Variants in HDX observed in about 807,000 individuals in gnomAD.
HDX encodes the protein chromosome X open reading frame 43.
A neutral mutation model predicts 45.2 loss-of-function variants in HDX; 19 were observed. The observed-to-expected ratio is 0.42, with a 90% confidence interval of 0.29 to 0.62. The LOEUF is 0.62. Among genes scored for constraint, HDX ranks in the 20% least tolerant of loss-of-function variants. HDX has a pLI of 0.20. For missense variants in HDX, 532 were observed against 493.9 expected, an observed-to-expected ratio of 1.08 and a Z score of -0.73; for synonymous variants, 188 against 172.8, an observed-to-expected ratio of 1.09 and a Z score of -0.69.
chrX:84,389,496 C>A (rs1352867135), intron 5 of HDX, among the ~76,000 whole-genome samples: 1 of 111,297 alleles, frequency 9.0e-6, no homozygotes, highest in Non-Finnish European at 1.9e-5. Flanking sequence ...TCCAGAGCTG[C>A]ATGCCACAGC....
chrX:84,393,039 A>G (rs11798261), intron 5 of HDX, among the ~76,000 whole-genome samples: 28,225 of 110,161 alleles, frequency 0.26, 2,711 homozygotes, highest in Non-Finnish European at 0.3. Flanking sequence ...TTGAATTACA[A>G]TATAAATATT....
chrX:84,383,299 C>A (rs112144174), intron 5 of HDX, among the ~76,000 whole-genome samples: 27,220 of 110,212 alleles, frequency 0.25, 2,561 homozygotes, highest in Non-Finnish European at 0.3. Context: ...TAATACTTCA[C>A]ATAAATTTTG....
intron 5 of HDX, among the ~76,000 whole-genome samples, chrX:84,409,366 T>C (rs2038924544): frequency 9.0e-6 from 1 of 111,039 alleles, no homozygotes; most frequent in South Asian, 3.8e-4. Flanking sequence ...AGCCATCCCA[T>C]TACTGGGTAT....
intron 5 of HDX, among the ~76,000 whole-genome samples, chrX:84,422,663 GT>G (rs779557860): frequency 2.2e-3 from 146 of 64,918 alleles, no homozygotes; most frequent in African/African-American, 6.6e-3. Flanking sequence ...GAAATAAAAG[GT>G]TTTTTTTTTT....
chrX:84,484,686 C>A (rs1288340886), intron 2 of HDX, among the ~76,000 whole-genome samples: 1 of 111,899 alleles, frequency 8.9e-6, no homozygotes, highest in Non-Finnish European at 1.9e-5. Context: ...TCGCCAACAT[C>A]TATTATTTTT....
chrX:84,323,814 A>G (rs2036649856), intron 10 of HDX, among the ~76,000 whole-genome samples: 1 of 112,381 alleles, frequency 8.9e-6, no homozygotes, highest in Non-Finnish European at 1.9e-5. Context: ...TTTATTACAA[A>G]TGTTTCATAA....
chrX:84,496,941 CCCA>C (rs1465838680), intron 1 of HDX, among the ~76,000 whole-genome samples: 2 of 111,047 alleles, frequency 1.8e-5, no homozygotes, highest in Non-Finnish European at 1.9e-5. Flanking sequence ...AATTGTAATC[CCCA>C]CATGTGGAGG....
At chrX:84,441,681 A>C (rs1378247392) in intron 4 of HDX, among the ~76,000 whole-genome samples, 1 of 111,668 alleles carries the variant, frequency 9.0e-6, no homozygotes, top group African/African-American at 3.2e-5. Flanking sequence ...TTTTGGTAGT[A>C]AAGTTTAGCA....
At chrX:84,480,570 C>G (rs1277058757) in intron 2 of HDX, among the ~76,000 whole-genome samples, 1 of 110,984 alleles carries the variant, frequency 9.0e-6, no homozygotes, top group Non-Finnish European at 1.9e-5. Context: ...ATTGTTACCA[C>G]TAATGGATAT....
intron 5 of HDX, among the ~76,000 whole-genome samples, chrX:84,381,484 G>A (rs1014504960): frequency 1.8e-5 from 2 of 110,925 alleles, no homozygotes; most frequent in Non-Finnish European, 3.8e-5. Flanking sequence ...GCATGATCTG[G>A]CATAAGAAAT....
At chrX:84,454,098 G>T (rs772047113) in intron 4 of HDX, among the ~76,000 whole-genome samples, 4 of 111,731 alleles carry the variant, frequency 3.6e-5, no homozygotes, top group Non-Finnish European at 7.5e-5. Flanking sequence ...ATGGTACTTG[G>T]GTAAGATTCA....
intron 6 of HDX, among the ~76,000 whole-genome samples, chrX:84,349,931 G>A (rs1300480209): frequency 1.8e-5 from 2 of 109,406 alleles, no homozygotes; most frequent in African/African-American, 6.7e-5. Context: ...GGGTAGAAGA[G>A]GGGTGAGGGT....
intron 7 of HDX, among the ~76,000 whole-genome samples, chrX:84,342,327 G>A (rs2037103606): frequency 9.0e-6 from 1 of 111,729 alleles, no homozygotes; most frequent in Non-Finnish European, 1.9e-5. Context: ...TGCTTAAACA[G>A]TTCAAATTGT....
intron 3 of HDX, among the ~76,000 whole-genome samples, chrX:84,473,773 AAG>A (rs2040494952): frequency 9.0e-6 from 1 of 110,939 alleles, no homozygotes; most frequent in African/African-American, 3.3e-5. Flanking sequence ...GACAAGAAAA[AAG>A]AAAAAAAAAA....
intron 8 of HDX, 152 bp from the exon 9 acceptor site, chrX:84,333,994 A>G: frequency 3.0e-6 from 1 of 335,594 alleles, no homozygotes; most frequent in Non-Finnish European, 5.3e-6. Context: ...AGTGTTACAT[A>G]TAGTGTGTGT....
At chrX:84,490,573 T>TA (rs1219642267) in intron 1 of HDX, among the ~76,000 whole-genome samples, 11 of 111,809 alleles carry the variant, frequency 9.8e-5, no homozygotes, top group African/African-American at 3.6e-4. Flanking sequence ...TTATGTATGT[T>TA]AAAATTTCAA....
At chrX:84,356,043 G>A (rs1360218487) in intron 6 of HDX, among the ~76,000 whole-genome samples, 1 of 110,069 alleles carries the variant, frequency 9.1e-6, no homozygotes, top group Non-Finnish European at 1.9e-5. Context: ...CAAAGAAAAA[G>A]TATACCAAGT....
At chrX:84,474,135 A>G (rs1460475146) in intron 3 of HDX, among the ~76,000 whole-genome samples, 1 of 111,662 alleles carries the variant, frequency 9.0e-6, no homozygotes, top group Non-Finnish European at 1.9e-5. Context: ...TACTAAAAAT[A>G]CAAAGAATTA....
intron 8 of HDX, 36 bp downstream of exon 8, chrX:84,336,765 C>A: frequency 2.2e-6 from 2 of 896,669 alleles, no homozygotes; most frequent in Non-Finnish European, 3.2e-6. Flanking sequence ...TTGAAATCAA[C>A]CATGTAATGA....
Sources: gnomAD v4.1 joint callset for allele counts (sites outside exome capture counted in the v4.1 genomes callset) on GRCh38, gnomAD v4.1.1 for gene constraint, MANE v1.5 for transcripts, NCBI Gene and HGNC (gene_info 2026-07-23, HGNC 2026-07-21) for gene names.